Variants in RSRC1 observed in about 807,000 individuals in gnomAD.
RSRC1 encodes the protein arginine and serine rich coiled-coil 1.
In RSRC1, 39 loss-of-function variants were observed where a neutral mutation model predicts 49.1. The ratio of observed to expected loss-of-function variants is 0.79; its 90% CI spans 0.61 to 1.04. The LOEUF (loss-of-function observed/expected upper bound fraction) is 1.04, where lower values mean the gene tolerates loss of function less well. RSRC1 is among the 50% of genes least tolerant of loss of function. RSRC1 has a pLI of 0.00. For missense variants in RSRC1, 388 were observed against 402.4 expected (o/e 0.96, Z 0.31); for synonymous variants, 143 against 130.8 (o/e 1.09, Z -0.63).
At chr3:158,329,567 C>T (rs1729411325) in intron 5 of RSRC1, among the ~76,000 whole-genome samples, 1 of 152,206 alleles carries the variant, frequency 6.6e-6, no homozygotes, top group Non-Finnish European at 1.5e-5. Context: ...TGCTGAACAG[C>T]AAATGTTGCT....
chr3:158,230,720 C>A (rs573305246), intron 4 of RSRC1, among the ~76,000 whole-genome samples: 1 of 151,790 alleles, frequency 6.6e-6, no homozygotes, highest in African/African-American at 2.4e-5. Flanking sequence ...TATTTTATTC[C>A]TTTTCTCTTG....
intron 9 of RSRC1, 107 bp from the exon 10 acceptor site, chr3:158,544,076 A>T (rs577271909): frequency 1.4e-6 from 1 of 718,228 alleles, no homozygotes; most frequent in East Asian, 2.5e-5. Context: ...CAGTATCCAA[A>T]TCTTGTGTTG....
intron 4 of RSRC1, among the ~76,000 whole-genome samples, chr3:158,218,531 G>T (rs764138212): frequency 2.6e-5 from 4 of 151,650 alleles, no homozygotes; most frequent in Non-Finnish European, 4.4e-5. Context: ...AGATGGCAGG[G>T]TATCATACAT....
chr3:158,281,886 C>T (rs995927323), intron 4 of RSRC1, among the ~76,000 whole-genome samples: 2 of 152,118 alleles, frequency 1.3e-5, no homozygotes, highest in African/African-American at 4.8e-5. Flanking sequence ...GAAAGGAAGC[C>T]TATGAGTAAC....
intron 3 of RSRC1, among the ~76,000 whole-genome samples, chr3:158,126,751 C>G (rs1056424018): frequency 1.3e-5 from 2 of 151,964 alleles, no homozygotes; most frequent in African/African-American, 4.8e-5. Context: ...CTTAGTATTT[C>G]TTGTAAGGCA....
intron 4 of RSRC1, chr3:158,276,391 A>G (rs1725818771): frequency 3.9e-6 from 3 of 778,026 alleles, no homozygotes; most frequent in Non-Finnish European, 4.7e-6. Flanking sequence ...TGCTTTCTCC[A>G]TAGCTCCTGG....
At chr3:158,217,580 A>G (rs1722015846) in intron 4 of RSRC1, among the ~76,000 whole-genome samples, 1 of 151,492 alleles carries the variant, frequency 6.6e-6, no homozygotes, top group Non-Finnish European at 1.5e-5. Context: ...CCTTTCCCAC[A>G]TGCAGGAACA....
intron 7 of RSRC1, among the ~76,000 whole-genome samples, chr3:158,467,090 T>A (rs1351793138): frequency 6.6e-6 from 1 of 152,152 alleles, no homozygotes; most frequent in Admixed American, 6.5e-5. Context: ...TAACTAAATA[T>A]AAACTATTGT....
chr3:158,149,148 C>G (rs914378198), intron 3 of RSRC1, among the ~76,000 whole-genome samples: 6 of 152,216 alleles, frequency 3.9e-5, no homozygotes, highest in African/African-American at 1.2e-4. Flanking sequence ...TCTTTACCTA[C>G]TACTGAGTAC....
chr3:158,517,029 A>T (rs1204771676), intron 7 of RSRC1, among the ~76,000 whole-genome samples: 2 of 152,214 alleles, frequency 1.3e-5, no homozygotes, highest in African/African-American at 4.8e-5. Flanking sequence ...CCGGTACCTC[A>T]GATGGAAATG....
chr3:158,515,194 T>G (rs1349839293), intron 7 of RSRC1, among the ~76,000 whole-genome samples: 1 of 152,080 alleles, frequency 6.6e-6, no homozygotes, highest in African/African-American at 2.4e-5. Flanking sequence ...CGTTAGTTGA[T>G]GCAGTTTCTT....
At chr3:158,319,186 C>T (rs2108162102) in intron 5 of RSRC1, among the ~76,000 whole-genome samples, 1 of 152,138 alleles carries the variant, frequency 6.6e-6, no homozygotes, top group South Asian at 2.1e-4. Flanking sequence ...AAGGGAGGGA[C>T]CTGGTGAGAG....
intron 6 of RSRC1, among the ~76,000 whole-genome samples, chr3:158,458,287 A>G (rs1230163676): frequency 6.6e-6 from 1 of 152,154 alleles, no homozygotes; most frequent in African/African-American, 2.4e-5. Flanking sequence ...GCATGTATAC[A>G]CTGTTTCATA....
At chr3:158,143,773 A>G (rs1202246767) in intron 3 of RSRC1, among the ~76,000 whole-genome samples, 1 of 152,194 alleles carries the variant, frequency 6.6e-6, no homozygotes, top group Non-Finnish European at 1.5e-5. Context: ...CTGTATCTTC[A>G]AGCAATATCC....
chr3:158,209,897 T>C (rs1234074716), intron 4 of RSRC1, among the ~76,000 whole-genome samples: 2 of 152,156 alleles, frequency 1.3e-5, no homozygotes, highest in African/African-American at 4.8e-5. Context: ...ACTTTATAGA[T>C]ATATGTTAGT....
chr3:158,171,550 A>C (rs2108238495), intron 3 of RSRC1, among the ~76,000 whole-genome samples: 1 of 152,296 alleles, frequency 6.6e-6, no homozygotes, highest in South Asian at 2.1e-4. Flanking sequence ...CCTGTAAAAA[A>C]GAACCAAGTA....
intron 6 of RSRC1, among the ~76,000 whole-genome samples, chr3:158,376,167 CCCTT>C (rs1560016564): frequency 1.6e-5 from 2 of 123,410 alleles, no homozygotes; most frequent in Non-Finnish European, 3.4e-5. Context: ...CTCCCTCCCT[CCCTT>C]CCTTCTTCCC....
intron 7 of RSRC1, among the ~76,000 whole-genome samples, chr3:158,493,597 A>G (rs1287862965): frequency 6.6e-6 from 1 of 152,224 alleles, no homozygotes; most frequent in Non-Finnish European, 1.5e-5. Context: ...AATAATTCAC[A>G]TATCAAGCAC....
At chr3:158,110,881 A>G (rs891858971) in intron 1 of RSRC1, among the ~76,000 whole-genome samples, 1 of 152,222 alleles carries the variant, frequency 6.6e-6, no homozygotes, top group African/African-American at 2.4e-5. Flanking sequence ...GTTACAATGC[A>G]CCGTAAGGCA....
Sources: gnomAD v4.1 joint callset for allele counts (sites outside exome capture counted in the v4.1 genomes callset) on GRCh38, gnomAD v4.1.1 for gene constraint, MANE v1.5 for transcripts, NCBI Gene and HGNC (gene_info 2026-07-23, HGNC 2026-07-21) for gene names.